KSR1: variants seen among roughly 807,000 people sequenced by gnomAD.
The protein encoded by KSR1 is kinase suppressor of ras.
In KSR1, 35 loss-of-function variants were observed where a neutral mutation model predicts 92.9. That is an observed-to-expected ratio of 0.38 (90% confidence interval 0.29 to 0.50). The LOEUF (loss-of-function observed/expected upper bound fraction) is 0.50, where lower values mean the gene tolerates loss of function less well. Among genes scored for constraint, KSR1 ranks in the 20% least tolerant of loss-of-function variants. KSR1 has a pLI of 0.94. For synonymous variants in KSR1, 467 were observed against 472.6 expected, an observed-to-expected ratio of 0.99 and a Z score of 0.15; for missense variants, 972 against 1,158.5, an observed-to-expected ratio of 0.84 and a Z score of 2.34.
chr17:27,536,240 C>G (rs1220181161), intron 1 of KSR1, among the ~76,000 whole-genome samples: 1 of 152,194 alleles, frequency 6.6e-6, no homozygotes, highest in African/African-American at 2.4e-5. Flanking sequence ...GTAAATTGAA[C>G]AACAAACAGG....
chr17:27,615,985 A>C (rs2074043206), intron 18 of KSR1, among the ~76,000 whole-genome samples: 1 of 152,112 alleles, frequency 6.6e-6, no homozygotes, highest in Admixed American at 6.5e-5. Context: ...CTGATTCTCA[A>C]CCATTTGTGG....
chr17:27,526,599 C>T (rs1381115703), intron 1 of KSR1: 3 of 1,581,776 alleles, frequency 1.9e-6, no homozygotes, highest in Non-Finnish European at 2.6e-6. Context: ...GTAAGATGGA[C>T]ATTTGTTGAT....
intron 2 of KSR1, among the ~76,000 whole-genome samples, chr17:27,554,440 A>G (rs1179762130): frequency 6.6e-6 from 1 of 152,190 alleles, no homozygotes; most frequent in Non-Finnish European, 1.5e-5. Context: ...TGCTCGCATT[A>G]CCGCCTGAGT....
chr17:27,580,167 C>T (rs937108282), intron 3 of KSR1, among the ~76,000 whole-genome samples: 1 of 152,160 alleles, frequency 6.6e-6, no homozygotes, highest in Admixed American at 6.5e-5. Flanking sequence ...CCTTTGGTGG[C>T]AAGCTTGCTC....
In KSR1 at chr17:27,456,886, G is replaced by C. The variant is rs201375363; in HGVS notation, c.231+12G>C. ...TACGGACCCTGGAGGTAAGTGGGTCGGGGACCAGGCTGGGCTCGAGGAGCG... is the reference window on the plus strand; with the variant it reads ...TACGGACCCTGGAGGTAAGTGGGTCCGGGACCAGGCTGGGCTCGAGGAGCG... On this transcript the variant is annotated intron_variant, in intron 1 of 20. Coordinates refer to ENST00000644974, the MANE Select transcript of KSR1 (RefSeq NM_001394583.1). 2 of 845,306 alleles carry C rather than the reference G, an allele frequency of 2.4e-6. No individual in the cohort carries two copies. The highest frequency in any genetic ancestry group is 2.6e-5 in the South Asian group (2 of 76,010). The allele number at this position is 845,306 out of a possible 1,614,324, so 52.4% of individuals were successfully genotyped here.
At chr17:27,468,059 C>T (rs1367519778) in intron 1 of KSR1, among the ~76,000 whole-genome samples, 3 of 151,986 alleles carry the variant, frequency 2.0e-5, no homozygotes, top group Non-Finnish European at 1.5e-5. Context: ...CCTCGTGATC[C>T]GCCCGCCTCG....
At position 27,577,820 on chromosome 17, in the gene KSR1, G is replaced by T. The variant is rs146566123; in HGVS notation, c.520+181G>T. 6.1e-4 allele frequency: 432 copies of T among 705,626 alleles called. 6 individuals are homozygous for T. In the East Asian group the frequency reaches 0.011, roughly 19 times the overall value. The allele number at this position is 705,626 out of a possible 1,614,324, so 43.7% of individuals were successfully genotyped here. A position where few individuals can be genotyped will look rare whatever the true frequency, so the allele number is the denominator to read the frequency against. On this transcript the variant is annotated intron_variant, in intron 3 of 20. Coordinates refer to ENST00000644974, the MANE Select transcript of KSR1 (RefSeq NM_001394583.1). The surrounding 1 kb of genome is among the most constrained non-coding windows in gnomAD (Gnocchi z 4.5). ...CTCTCCCAGGGTCCTCAGGGCTCTG[G>T]ATCCTGGTGGGTCTGGCCAGGCCGA...
Position 27,623,569 on chromosome 17 carries a change from T to C in KSR1, c.*177T>C, listed in dbSNP as rs1207926542. 5 of 644,950 alleles carry C rather than the reference T, an allele frequency of 7.8e-6. No individual in the cohort carries two copies. 40.0% of individuals were successfully genotyped at this position (644,950 alleles called of 1,614,324 possible). A position where few individuals can be genotyped will look rare whatever the true frequency, so the allele number is the denominator to read the frequency against. On this transcript the variant is annotated 3_prime_UTR_variant, in exon 21 of 21. Coordinates refer to ENST00000644974, the MANE Select transcript of KSR1 (RefSeq NM_001394583.1). ...ACTCGGGAGATGGAGCTGCACCTGC[T>C]ATTTCTTAAAATGACACCACCAACA...
intron 17 of KSR1, among the ~76,000 whole-genome samples, chr17:27,610,413 G>A (rs1055796283): frequency 6.6e-6 from 1 of 152,206 alleles, no homozygotes; most frequent in Non-Finnish European, 1.5e-5. Flanking sequence ...CCTTGACCTG[G>A]AATAGCTCCT....
intron 1 of KSR1, among the ~76,000 whole-genome samples, chr17:27,492,998 T>C (rs535171635): frequency 6.6e-6 from 1 of 152,234 alleles, no homozygotes; most frequent in Non-Finnish European, 1.5e-5. Flanking sequence ...GGGAATGATC[T>C]TACTTTATAG....
At chr17:27,496,027 C>T (rs1285213721) in intron 1 of KSR1, among the ~76,000 whole-genome samples, 1 of 152,170 alleles carries the variant, frequency 6.6e-6, no homozygotes, top group Non-Finnish European at 1.5e-5. Context: ...GTTTTGAGTT[C>T]TGCCCCCTAC....
At chr17:27,562,694 G>A (rs2071882395) in intron 2 of KSR1, among the ~76,000 whole-genome samples, 1 of 152,230 alleles carries the variant, frequency 6.6e-6, no homozygotes, top group African/African-American at 2.4e-5. Flanking sequence ...TGTCAACACT[G>A]CACTGTTTTA....
chr17:27,569,239 T>G (rs1450729275), intron 2 of KSR1, among the ~76,000 whole-genome samples: 6 of 152,170 alleles, frequency 3.9e-5, no homozygotes, highest in African/African-American at 1.4e-4. Context: ...TCTCTACATT[T>G]TGGGAGTAAT....
intron 2 of KSR1, among the ~76,000 whole-genome samples, chr17:27,572,322 C>G (rs2072341283): frequency 6.6e-6 from 1 of 152,234 alleles, no homozygotes; most frequent in Non-Finnish European, 1.5e-5. Flanking sequence ...AACCCTGAGA[C>G]TTGTCGGAGC....
At chr17:27,590,085 A>G (rs1199356183) in intron 6 of KSR1, among the ~76,000 whole-genome samples, 1 of 152,194 alleles carries the variant, frequency 6.6e-6, no homozygotes, top group Non-Finnish European at 1.5e-5. Flanking sequence ...ATACACACAC[A>G]CCTGTGTATA....
chr17:27,562,369 C>T (rs1214086529), intron 2 of KSR1, among the ~76,000 whole-genome samples: 1 of 152,250 alleles, frequency 6.6e-6, no homozygotes, highest in Admixed American at 6.5e-5. Context: ...GAGCTCTCAC[C>T]TGGGCCAGTG....
At chr17:27,603,964 C>A (rs1168275476) in intron 12 of KSR1, 76 bp downstream of exon 12, 1 of 1,411,376 alleles carries the variant, frequency 7.1e-7, no homozygotes, top group Admixed American at 1.7e-5. Context: ...CTGGCCACCT[C>A]CCACTCCACC....
intron 1 of KSR1, among the ~76,000 whole-genome samples, chr17:27,537,960 G>A (rs777612576): frequency 5.7e-4 from 87 of 152,174 alleles, no homozygotes; most frequent in Non-Finnish European, 1.2e-3. Flanking sequence ...TCCTAGATAG[G>A]AAATAAAAAG....
chr17:27,582,617 C>T (rs770505397), intron 3 of KSR1, 29 bp from the exon 4 acceptor site: 4 of 1,575,360 alleles, frequency 2.5e-6, no homozygotes, highest in Admixed American at 3.4e-5. Context: ...CAGCCCTGAC[C>T]ATCTGTGACT....
Sources: allele counts gnomAD v4.1 joint callset (sites outside exome capture counted in the v4.1 genomes callset), GRCh38; gene constraint gnomAD v4.1.1; non-coding constraint Gnocchi (gnomAD v3.1); transcripts MANE v1.5; gene names NCBI Gene and HGNC (gene_info 2026-07-23, HGNC 2026-07-21).